The following HDAC11 variants were observed in gnomAD, a reference collection of about 807,000 sequenced individuals.
The protein encoded by HDAC11 is histone deacetylase 11.
In HDAC11, 23 loss-of-function variants were observed where a neutral mutation model predicts 41.1. The observed-to-expected ratio is 0.56, with a 90% CI of 0.40 to 0.79. The LOEUF (loss-of-function observed/expected upper bound fraction) is 0.79. Ranked by LOEUF, HDAC11 falls within the 30% of genes least tolerant of loss-of-function variation. The pLI, the probability that HDAC11 is intolerant of heterozygous loss-of-function variation, is 0.00. For missense variants in HDAC11, 402 were observed against 477.3 expected, an observed-to-expected ratio of 0.84 and a Z score of 1.47; for synonymous variants, 187 against 186.6, an observed-to-expected ratio of 1.00 and a Z score of -0.02.
intron 3 of HDAC11, among the ~76,000 whole-genome samples, chr3:13,484,658 C>G (rs1267987733): frequency 2.0e-5 from 3 of 152,168 alleles, no homozygotes; most frequent in Admixed American, 6.5e-5. Flanking sequence ...TCCGAAGTAG[C>G]TGGAATTATA....
At chr3:13,495,349 C>T (rs1702047783) in intron 3 of HDAC11, among the ~76,000 whole-genome samples, 1 of 152,140 alleles carries the variant, frequency 6.6e-6, no homozygotes, top group Admixed American at 6.5e-5. Context: ...AGCTGTCTCA[C>T]CTGGCTGCCC....
rs1559383794 is a variant in HDAC11, at chr3:13,504,997, C to T, written c.*314C>T. 2 of 423,912 alleles carry T rather than the reference C, an allele frequency of 4.7e-6. No homozygotes were observed. Among genetic ancestry groups the T allele is most frequent in the East Asian group, 4.5e-5 (1 of 22,424 alleles). 26.3% of individuals were successfully genotyped at this position (423,912 alleles called of 1,614,324 possible). On this transcript the variant is annotated 3_prime_UTR_variant, in exon 10 of 10. Coordinates refer to ENST00000295757, the MANE Select transcript of HDAC11 (RefSeq NM_024827.4). ...AGGACAGGCTAGGTCCCAGGCACAG[C>T]GAGGGCCCTGGGCTTGGGGTGTTCT...
chr3:13,498,686 C>T, intron 5 of HDAC11, 131 bp downstream of exon 5: 1 of 997,508 alleles, frequency 1.0e-6, no homozygotes, highest in Non-Finnish European at 1.5e-6. Context: ...TTTCCCAAGT[C>T]ACCCTAGCCT....
In HDAC11 at chr3:13,496,870, GCATGGCTGGGCT is replaced by G; in HGVS notation, c.369+19_369+30del. 7.2e-7 allele frequency: 1 copy of G among 1,384,962 alleles called. No individual in the cohort carries two copies. The highest frequency in any genetic ancestry group is 1.0e-6 in the Non-Finnish European group (1 of 1,001,744). 85.8% of individuals were successfully genotyped at this position (1,384,962 alleles called of 1,614,324 possible). Reference sequence around the variant, plus strand: ...CCATAATGGTAGGTGGGGTGGGGGGGCATGGCTGGGCTGGGGGCCCCCACACCCCAGGGTCCT... The same window carrying G: ...CCATAATGGTAGGTGGGGTGGGGGGGGGGGGCCCCCACACCCCAGGGTCCT... On this transcript the variant is annotated intron_variant, in intron 4 of 9. Transcript: ENST00000295757.
intron 4 of HDAC11, among the ~76,000 whole-genome samples, chr3:13,497,308 A>G (rs1428944634): frequency 6.6e-6 from 1 of 151,878 alleles, no homozygotes; most frequent in Admixed American, 6.6e-5. Context: ...GCTCCTGAGT[A>G]GCTGGGACTA....
At chr3:13,487,696 A>T (rs1223345952) in intron 3 of HDAC11, among the ~76,000 whole-genome samples, 1 of 152,110 alleles carries the variant, frequency 6.6e-6, no homozygotes, top group East Asian at 1.9e-4. Flanking sequence ...TGCACTGGAC[A>T]GTGCTCAGAA....
chr3:13,496,842 G>C lies in HDAC11; in HGVS notation c.359G>C (p.Gly120Ala). 8.4e-7 allele frequency: 1 copy of C among 1,194,546 alleles called. No homozygotes were observed. Among genetic ancestry groups the C allele is most frequent in the Non-Finnish European group, 1.2e-6 (1 of 841,222 alleles). The allele number at this position is 1,194,546 out of a possible 1,614,324, so 74.0% of individuals were successfully genotyped here. Residue 120 changes from glycine to alanine, a missense_variant, in exon 4 of 10, where the codon GGA becomes GCA. Transcript: ENST00000295757. The stretch of plus-strand genomic sequence containing the variant: ...AGGCCCCTTCGGACCCAGACAGGAG[G>C]AACCATAATGGTAGGTGGGGTGGGG... ...VLRPLRTQTG[G>A]TIMAGKLAVE... is the part of the protein sequence containing the mutation.
At chr3:13,501,778 C>T in intron 6 of HDAC11, 93 bp from the exon 7 acceptor site, 2 of 1,164,802 alleles carry the variant, frequency 1.7e-6, no homozygotes, top group Admixed American at 3.4e-5. Context: ...TTAGGCCCCC[C>T]TCCCCGCCCC....
At chr3:13,491,373 G>T (rs975632553) in intron 3 of HDAC11, among the ~76,000 whole-genome samples, 1 of 151,908 alleles carries the variant, frequency 6.6e-6, no homozygotes, top group Non-Finnish European at 1.5e-5. Context: ...TGTTGAGGGA[G>T]TTCCCTTCTG....
At position 13,480,582 on chromosome 3, in the gene HDAC11, C is replaced by G. The variant is rs1559367701; in HGVS notation, c.2+233C>G. 6.6e-6 allele frequency: 2 copies of G among 302,244 alleles called. No homozygotes were observed. The highest frequency in any genetic ancestry group is 6.1e-5 in the East Asian group (1 of 16,340). 18.7% of individuals were successfully genotyped at this position (302,244 alleles called of 1,614,324 possible). ...CGCGCGCCGGCCGCGGGCCTGGGCC[C>G]GGACCCGGAGCGGTCGGGCGATGTG... On this transcript the variant is annotated intron_variant, in intron 1 of 9. Transcript: ENST00000295757. This position sits in a 1 kb window ranked among gnomAD's most constrained non-coding sequence, Gnocchi z 4.6.
chr3:13,489,725 C>G (rs1044453751), intron 3 of HDAC11, among the ~76,000 whole-genome samples: 1 of 152,234 alleles, frequency 6.6e-6, no homozygotes, highest in Non-Finnish European at 1.5e-5. Context: ...TGCTACCATG[C>G]CTGGCTAATT....
chr3:13,484,566 G>A (rs886110274), intron 3 of HDAC11, among the ~76,000 whole-genome samples: 2 of 151,996 alleles, frequency 1.3e-5, no homozygotes, highest in African/African-American at 4.8e-5. Flanking sequence ...CGCTCTTGTT[G>A]AGCAGGCTGA....
At chr3:13,496,503 A>C in intron 3 of HDAC11, 1 of 414,048 alleles carries the variant, frequency 2.4e-6, no homozygotes, top group Non-Finnish European at 4.3e-6. Flanking sequence ...CTGGCCAACT[A>C]GCTTTAAGAA....
At chr3:13,490,837 G>A (rs1195203815) in intron 3 of HDAC11, among the ~76,000 whole-genome samples, 12 of 125,776 alleles carry the variant, frequency 9.5e-5, no homozygotes, top group African/African-American at 2.7e-4. Flanking sequence ...TGCAACCTCC[G>A]CCTCCCAGGT....
At chr3:13,488,658 T>G (rs1008458690) in intron 3 of HDAC11, among the ~76,000 whole-genome samples, 2 of 152,248 alleles carry the variant, frequency 1.3e-5, no homozygotes, top group Non-Finnish European at 1.5e-5. Flanking sequence ...ACATTTTTTT[T>G]ATCCATTCAT....
intron 3 of HDAC11, among the ~76,000 whole-genome samples, chr3:13,495,636 A>G (rs1702062250): frequency 6.6e-6 from 1 of 152,056 alleles, no homozygotes; most frequent in Non-Finnish European, 1.5e-5. Flanking sequence ...AGCACCATCT[A>G]TGGTTCCCTA....
intron 3 of HDAC11, among the ~76,000 whole-genome samples, chr3:13,490,654 C>G (rs1296677463): frequency 6.8e-6 from 1 of 148,040 alleles, no homozygotes; most frequent in Non-Finnish European, 1.5e-5. Flanking sequence ...CTGGTATATA[C>G]AATAATCAGT....
chr3:13,504,309 T>C, intron 9 of HDAC11, 37 bp downstream of exon 9: 3 of 1,606,380 alleles, frequency 1.9e-6, no homozygotes, highest in Non-Finnish European at 2.6e-6. Context: ...GAGGGTCTGC[T>C]CTATGGACTC....
At chr3:13,500,664 G>T in intron 5 of HDAC11, 49 bp from the exon 6 acceptor site, 1 of 1,465,124 alleles carries the variant, frequency 6.8e-7, no homozygotes. Flanking sequence ...CTCCTGGACT[G>T]AGCCTGGGAG....
Sources: allele counts gnomAD v4.1 joint callset (sites outside exome capture counted in the v4.1 genomes callset), GRCh38; gene constraint gnomAD v4.1.1; non-coding constraint Gnocchi (gnomAD v3.1); transcripts MANE v1.5; gene names NCBI Gene and HGNC (gene_info 2026-07-23, HGNC 2026-07-21).